RNLS: variants seen among roughly 807,000 people sequenced by gnomAD.
RNLS encodes renalase.
RNLS carries 39 observed loss-of-function variants against 39.8 expected under a neutral mutation model. The ratio of observed to expected loss-of-function variants is 0.98; its 90% CI spans 0.76 to 1.28. The LOEUF (loss-of-function observed/expected upper bound fraction) is 1.28, where lower values mean the gene tolerates loss of function less well. Among genes scored for constraint, RNLS ranks in the 50% most tolerant of loss-of-function variants. The pLI is 0.00. For missense variants in RNLS, 410 were observed against 413.3 expected (o/e 0.99, Z 0.07); for synonymous variants, 147 against 150.7 (o/e 0.98, Z 0.18).
chr10:88,573,058 G>C lies in RNLS; in HGVS notation c.371C>G (p.Ala124Gly). The change falls in exon 4 of 7, where the codon GCA (alanine) becomes GGA (glycine). Residue 124 changes from alanine to glycine, a missense_variant. Ala to Gly is a moderately conservative substitution (Grantham distance 60). Transcript: ENST00000331772. ...IIKHYLKESGAEVYFRHRVTQ... is the reference protein window; with the variant it reads ...IIKHYLKESGGEVYFRHRVTQ... ...CACACGATGTCTGAAGTAGACTTCT[G>C]CACCTGTTCCAAAAGCAAAATCATG... 1 of 1,613,080 alleles carries C rather than the reference G, an allele frequency of 6.2e-7. No homozygotes were observed. Among genetic ancestry groups the C allele is most frequent in the South Asian group, 1.1e-5 (1 of 90,896 alleles).
chr10:88,318,911 G>C (rs937369543), intron 5 of RNLS, among the ~76,000 whole-genome samples: 1 of 152,118 alleles, frequency 6.6e-6, no homozygotes, highest in African/African-American at 2.4e-5. Flanking sequence ...CTCTATATCA[G>C]GGCAGGTGCT....
the RNLS span, among the ~76,000 whole-genome samples, chr10:88,202,779 C>T: frequency 6.6e-6 from 1 of 152,196 alleles, no homozygotes; most frequent in African/African-American, 2.4e-5. Flanking sequence ...GCCCTGGTCC[C>T]TCAGATTCAC....
intron 4 of RNLS, among the ~76,000 whole-genome samples, chr10:88,466,678 CCTT>C (rs1750138773): frequency 1.3e-5 from 2 of 152,054 alleles, no homozygotes; most frequent in African/African-American, 4.8e-5. Context: ...CATTTTTCTC[CCTT>C]CTTATTGAGT....
chr10:88,416,316 T>C (rs1343514126), intron 4 of RNLS, among the ~76,000 whole-genome samples: 1 of 151,868 alleles, frequency 6.6e-6, no homozygotes, highest in Non-Finnish European at 1.5e-5. Flanking sequence ...TGCAATGGCG[T>C]GATCTTGGCT....
the RNLS span, among the ~76,000 whole-genome samples, chr10:88,226,071 G>T: frequency 2.0e-5 from 3 of 152,118 alleles, no homozygotes; most frequent in South Asian, 2.1e-4. Flanking sequence ...TCAATTTTTT[G>T]TGTGTACAGT....
chr10:88,215,543 G>T, the RNLS span, among the ~76,000 whole-genome samples: 64 of 152,124 alleles, frequency 4.2e-4, no homozygotes, highest in Non-Finnish European at 6.8e-4. Context: ...CTGGAGAGGG[G>T]CTTCGCTTAA....
At chr10:88,240,977 T>C in the RNLS span, among the ~76,000 whole-genome samples, 1 of 151,308 alleles carries the variant, frequency 6.6e-6, no homozygotes, top group African/African-American at 2.4e-5. Flanking sequence ...CATATGTCTA[T>C]AATAAATTAT....
At chr10:88,343,557 A>C (rs879796671) in intron 5 of RNLS, 4 of 984,990 alleles carry the variant, frequency 4.1e-6, no homozygotes, top group Non-Finnish European at 4.8e-6. Context: ...ACAACTCTCA[A>C]AAATATATTC....
intron 4 of RNLS, among the ~76,000 whole-genome samples, chr10:88,548,261 CAAAAAAAAAAAAAAAAAAAAAA>C (rs869175046): frequency 1.5e-4 from 5 of 32,408 alleles, no homozygotes; most frequent in African/African-American, 2.0e-4. Context: ...GACTCCGTCT[CAAAAAAAAAAAAAAAAAAAAAA>C]AAAAAAAAAA....
At chr10:88,430,748 GGAT>G (rs1449936136) in intron 4 of RNLS, among the ~76,000 whole-genome samples, 1 of 151,620 alleles carries the variant, frequency 6.6e-6, no homozygotes, top group Non-Finnish European at 1.5e-5. Context: ...GCATCTACTG[GGAT>G]GATCATAGAT....
At chr10:88,471,767 C>A (rs1843542355) in intron 4 of RNLS, among the ~76,000 whole-genome samples, 1 of 152,118 alleles carries the variant, frequency 6.6e-6, no homozygotes, top group African/African-American at 2.4e-5. Flanking sequence ...GTCCCCTCCC[C>A]ATGGAGTCTC....
At chr10:88,565,906 C>T (rs1404592056) in intron 4 of RNLS, among the ~76,000 whole-genome samples, 1 of 151,842 alleles carries the variant, frequency 6.6e-6, no homozygotes, top group African/African-American at 2.4e-5. Context: ...CACTCCACCA[C>T]ACCCAGCTAA....
the RNLS span, among the ~76,000 whole-genome samples, chr10:88,175,835 G>A: frequency 3.3e-5 from 5 of 152,110 alleles, no homozygotes; most frequent in African/African-American, 1.2e-4. Context: ...AAAGTGGGGT[G>A]TTGAAGTCCC....
rs113178232 is a variant in RNLS at position 88,559,463 on chromosome 10, C to T, written c.526+13440G>A. On this transcript the variant is annotated intron_variant, in intron 4 of 6. Coordinates refer to ENST00000331772, the MANE Select transcript of RNLS (RefSeq NM_001031709.3). Reference sequence around the variant, plus strand: ...CCCTCCAAGGCTCACCATAATCTGCCCCAAATCCATCTCTCTGGTTTTATC... The same window carrying T: ...CCCTCCAAGGCTCACCATAATCTGCTCCAAATCCATCTCTCTGGTTTTATC... Among the ~76,000 whole-genome samples, 1,223 of 152,194 alleles carry T rather than the reference C, an allele frequency of 8.0e-3. 27 individuals are homozygous for T. The highest frequency in any genetic ancestry group is 0.076 in the South Asian group (366 of 4,820).
chr10:88,317,682 A>G (rs889913155), intron 5 of RNLS, among the ~76,000 whole-genome samples: 1 of 152,210 alleles, frequency 6.6e-6, no homozygotes, highest in Admixed American at 6.5e-5. Context: ...CTGGTTTTCA[A>G]GATGCCTGTC....
At chr10:88,444,413 C>T (rs1157846280) in intron 4 of RNLS, among the ~76,000 whole-genome samples, 2 of 152,098 alleles carry the variant, frequency 1.3e-5, no homozygotes, top group Non-Finnish European at 2.9e-5. Flanking sequence ...AATCAGAGCA[C>T]CTCTCCCCCT....
At chr10:88,553,824 A>G (rs957268591) in intron 4 of RNLS, among the ~76,000 whole-genome samples, 3 of 152,192 alleles carry the variant, frequency 2.0e-5, no homozygotes, top group Non-Finnish European at 4.4e-5. Context: ...AAAAACTAGA[A>G]AAACATCCAG....
At chr10:88,494,084 T>C (rs1034541887) in intron 4 of RNLS, among the ~76,000 whole-genome samples, 4 of 152,058 alleles carry the variant, frequency 2.6e-5, no homozygotes, top group Non-Finnish European at 5.9e-5. Flanking sequence ...AAGAAACATA[T>C]GGATTCTGTT....
At chr10:88,483,633 T>C (rs868302302) in intron 4 of RNLS, among the ~76,000 whole-genome samples, 12 of 152,276 alleles carry the variant, frequency 7.9e-5, no homozygotes, top group Middle Eastern at 3.4e-3. Flanking sequence ...TTATAGAAGT[T>C]GCGTTTTTTA....
Sources: allele counts gnomAD v4.1 joint callset (sites outside exome capture counted in the v4.1 genomes callset), GRCh38; gene constraint gnomAD v4.1.1; transcripts MANE v1.5; gene names NCBI Gene and HGNC (gene_info 2026-07-23, HGNC 2026-07-21).